The following DGKH variants were observed in gnomAD, a reference collection of about 807,000 sequenced individuals.
The protein encoded by DGKH is DAG kinase eta.
DGKH carries 90 observed loss-of-function variants against 159.3 expected under a neutral mutation model. That is an observed-to-expected ratio of 0.57 (90% CI 0.48 to 0.67). The LOEUF (loss-of-function observed/expected upper bound fraction) is 0.67, where lower values mean the gene tolerates loss of function less well. DGKH is among the 30% of genes least tolerant of loss of function. DGKH has a pLI of 0.00. For missense variants in DGKH, 1,181 were observed against 1,506.1 expected (o/e 0.78, Z 3.57); for synonymous variants, 536 against 553.8 (o/e 0.97, Z 0.45).
At chr13:42,182,922 A>G (rs990826740) in intron 13 of DGKH, among the ~76,000 whole-genome samples, 1 of 147,348 alleles carries the variant, frequency 6.8e-6, no homozygotes, top group African/African-American at 2.5e-5. Flanking sequence ...AAAAAAAAAA[A>G]CCACACACAC....
intron 25 of DGKH, 63 bp downstream of exon 25, chr13:42,214,675 A>T: frequency 6.7e-7 from 1 of 1,488,930 alleles, no homozygotes; most frequent in South Asian, 1.3e-5. Flanking sequence ...ATGTATTTTA[A>T]TACTGTAAAA....
intron 28 of DGKH, among the ~76,000 whole-genome samples, chr13:42,220,836 G>A (rs1458767561): frequency 6.6e-6 from 1 of 152,132 alleles, no homozygotes; most frequent in African/African-American, 2.4e-5. Flanking sequence ...GTGTAAAATT[G>A]AATACCCCAT....
chr13:42,134,605 C>G (rs1204361792), intron 3 of DGKH, among the ~76,000 whole-genome samples: 1 of 152,178 alleles, frequency 6.6e-6, no homozygotes, highest in Non-Finnish European at 1.5e-5. Context: ...CAGGGTGGCT[C>G]ATGTCTGTAA....
In DGKH at chr13:42,135,507, A is replaced by AAAAAG. The variant is rs71096557; in HGVS notation, c.384+5876_384+5877insAAAGA. Among the ~76,000 whole-genome samples the AAAAAG allele has an allele frequency of 7.1e-5, 8 of 113,440 alleles. 1 individual carries two copies. The Admixed American group carries it at 7.8e-4, about 11-fold the overall frequency. 74.4% of individuals were successfully genotyped at this position (113,440 alleles called of 152,430 possible). On this transcript the variant is annotated intron_variant, in intron 3 of 29. Coordinates refer to ENST00000337343, the MANE Select transcript of DGKH (RefSeq NM_178009.5). ...CCTGTCTCAGAAAAAAAAAAAAAAA[A>AAAAAG]AGAGAGAGAGAGAAAAAGAAAAAAA...
At chr13:42,087,490 T>C (rs1004925024) in intron 1 of DGKH, among the ~76,000 whole-genome samples, 1 of 152,142 alleles carries the variant, frequency 6.6e-6, no homozygotes, top group Admixed American at 6.5e-5. Context: ...AAAGGGATGA[T>C]AGAATTGGTT....
At chr13:42,168,120 T>C (rs1412870526) in intron 9 of DGKH, among the ~76,000 whole-genome samples, 2 of 152,190 alleles carry the variant, frequency 1.3e-5, no homozygotes, top group Admixed American at 6.5e-5. Flanking sequence ...ATTCTTGTAA[T>C]AGAAAGAGAA....
intron 1 of DGKH, among the ~76,000 whole-genome samples, chr13:42,104,512 C>T (rs917888594): frequency 6.6e-6 from 1 of 152,174 alleles, no homozygotes. Context: ...TTGCTTGAGT[C>T]GTCCCTATTT....
chr13:42,087,104 A>ACAC (rs1566093830), intron 1 of DGKH, among the ~76,000 whole-genome samples: 1 of 141,648 alleles, frequency 7.1e-6, no homozygotes, highest in African/African-American at 2.6e-5. Flanking sequence ...GAGTAGGCAC[A>ACAC]ACAATCCTTG....
chr13:42,106,389 T>TC (rs1954756264), intron 1 of DGKH, among the ~76,000 whole-genome samples: 1 of 152,088 alleles, frequency 6.6e-6, no homozygotes, highest in African/African-American at 2.4e-5. Context: ...CAGCAAGCCT[T>TC]CGAGTCCTGC....
intron 1 of DGKH, among the ~76,000 whole-genome samples, chr13:42,107,318 A>G (rs1349068444): frequency 6.6e-6 from 1 of 152,208 alleles, no homozygotes; most frequent in Admixed American, 6.5e-5. Context: ...TGTTTGGCCA[A>G]TGGCAGGTAG....
intron 3 of DGKH, among the ~76,000 whole-genome samples, chr13:42,153,155 A>G (rs1955957929): frequency 1.3e-5 from 2 of 152,256 alleles, no homozygotes; most frequent in South Asian, 2.1e-4. Context: ...TTGCAAATGT[A>G]TACATTTTAC....
At chr13:42,096,803 T>C (rs1021533684) in intron 1 of DGKH, among the ~76,000 whole-genome samples, 1 of 152,164 alleles carries the variant, frequency 6.6e-6, no homozygotes, top group Non-Finnish European at 1.5e-5. Context: ...GGGAACCACA[T>C]GAGAAAGGAA....
At chr13:42,068,954 C>T (rs1272396474) in intron 1 of DGKH, 17 of 1,450,532 alleles carry the variant, frequency 1.2e-5, no homozygotes, top group African/African-American at 9.8e-5. Context: ...TTCAGAATGC[C>T]GCTGTATGTT....
chr13:42,109,671 CGTGT>C (rs765879320), intron 1 of DGKH, among the ~76,000 whole-genome samples: 82 of 132,238 alleles, frequency 6.2e-4, no homozygotes, highest in African/African-American at 1.4e-3. Flanking sequence ...CGTGTGTGTG[CGTGT>C]GTGTGTGTGT....
chr13:42,199,782 C>A, intron 19 of DGKH, 31 bp from the exon 20 acceptor site: 1 of 1,583,604 alleles, frequency 6.3e-7, no homozygotes, highest in African/African-American at 1.4e-5. Context: ...AATAAAATTT[C>A]CTGAAATTGC....
intron 1 of DGKH, among the ~76,000 whole-genome samples, chr13:42,118,418 G>A (rs1955003368): frequency 1.3e-5 from 2 of 152,206 alleles, no homozygotes; most frequent in African/African-American, 4.8e-5. Flanking sequence ...GCCCTATGAT[G>A]TGTTACCTAA....
intron 3 of DGKH, among the ~76,000 whole-genome samples, chr13:42,132,732 C>T (rs570681359): frequency 4.6e-5 from 7 of 152,210 alleles, no homozygotes; most frequent in African/African-American, 1.4e-4. Context: ...ATTCCCATCT[C>T]TACAACAAAT....
rs759910331 is a variant in DGKH, at chr13:42,159,378, C to G, written c.729+6C>G. On this transcript the variant is annotated splice_donor_region_variant and intron_variant, in intron 6 of 29. Transcript: ENST00000337343. ...TTATAGAAGATGAAGATGGCGTAAG[C>G]TGCTGCTCTGTCTCTGCTCTCTTCC... 6.3e-7 allele frequency: 1 copy of G among 1,576,718 alleles called. No individual in the cohort carries two copies. The highest frequency in any genetic ancestry group is 8.7e-7 in the Non-Finnish European group (1 of 1,148,184).
chr13:42,121,084 C>CACACACACACACAG (rs1955060770), intron 1 of DGKH, among the ~76,000 whole-genome samples: 1 of 148,620 alleles, frequency 6.7e-6, no homozygotes, highest in East Asian at 2.0e-4. Flanking sequence ...CACACACACA[C>CACACACACACACAG]ACACACAACA....
Sources: allele counts gnomAD v4.1 joint callset (sites outside exome capture counted in the v4.1 genomes callset), GRCh38; gene constraint gnomAD v4.1.1; transcripts MANE v1.5; gene names NCBI Gene and HGNC (gene_info 2026-07-23, HGNC 2026-07-21).